The following WDFY4 variants were observed in gnomAD, a reference collection of about 807,000 sequenced individuals.
The protein encoded by WDFY4 is WDFY family member 4.
WDFY4 carries 169 observed loss-of-function variants against 351.9 expected under a neutral mutation model. The ratio of observed to expected loss-of-function variants is 0.48; its 90% CI spans 0.42 to 0.55. WDFY4 has a LOEUF of 0.55. Among genes scored for constraint, WDFY4 ranks in the 20% least tolerant of loss-of-function variants. The pLI, the probability that WDFY4 is intolerant of heterozygous loss-of-function variation, is 0.00. For synonymous variants in WDFY4, 1,622 were observed against 1,574.6 expected, an observed-to-expected ratio of 1.03 and a Z score of -0.71; for missense variants, 3,803 against 3,935.6, an observed-to-expected ratio of 0.97 and a Z score of 0.90.
chr10:48,767,748 GA>G (rs1365097039), intron 13 of WDFY4, among the ~76,000 whole-genome samples: 1 of 152,220 alleles, frequency 6.6e-6, no homozygotes, highest in Non-Finnish European at 1.5e-5. Flanking sequence ...GGGAAGGACA[GA>G]AGAGTGTTAA....
chr10:48,801,806 C>A (rs1170356009), intron 24 of WDFY4, among the ~76,000 whole-genome samples: 2 of 152,170 alleles, frequency 1.3e-5, no homozygotes, highest in African/African-American at 4.8e-5. Flanking sequence ...CACAGGCCTC[C>A]CGATAAACTT....
Position 48,939,745 on chromosome 10 carries a change from C to A in WDFY4, c.7587-2061C>A, listed in dbSNP as rs566525636. Among the ~76,000 whole-genome samples, 7 of 152,274 alleles carry A rather than the reference C, an allele frequency of 4.6e-5. No homozygotes were observed. In the South Asian group the frequency reaches 1.5e-3, roughly 32 times the overall value. ...CAATATTTTTAAAAAATAGATCTCA[C>A]CTTTGGTTAGGTGTCCTGGAACTGC... On this transcript the variant is annotated intron_variant, in intron 47 of 61. Transcript: ENST00000325239.
intron 47 of WDFY4, among the ~76,000 whole-genome samples, chr10:48,915,845 C>T (rs1017646687): frequency 1.3e-5 from 2 of 152,186 alleles, no homozygotes; most frequent in African/African-American, 2.4e-5. Context: ...GCCTTGTAAG[C>T]TGACCCTAGT....
At position 48,970,205 on chromosome 10, in the gene WDFY4, T is replaced by C. The variant is rs41283305; in HGVS notation, c.8844T>C (p.Ile2948=). 15,127 of 1,551,736 alleles carry C rather than the reference T, an allele frequency of 9.7e-3. 95 individuals carry two copies. The highest frequency in any genetic ancestry group is 0.012 in the Non-Finnish European group (13,922 of 1,147,000). The part of the protein sequence containing the change: ...LCAVCPSPTT[I]VTSGTSTVVC... ...CCGTGTGCCCATCCCCAACAACGAT[T>C]GTCACCTCTGGGACCAGCACTGTGG... is the stretch of plus-strand genomic sequence containing the variant. Residue 2948 remains isoleucine (I), a synonymous_variant, in exon 57 of 62, where the codon ATT becomes ATC. Coordinates refer to ENST00000325239, the MANE Select transcript of WDFY4 (RefSeq NM_001394531.1).
At chr10:48,965,812 T>TATAGATTATATCTGTATCAGTTAGAC (rs1842052294) in intron 54 of WDFY4, among the ~76,000 whole-genome samples, 1 of 152,258 alleles carries the variant, frequency 6.6e-6, no homozygotes. Context: ...ATCAGTTAGA[T>TATAGATTATATCTGTATCAGTTAGAC]ATAGATTATA....
chr10:48,731,577 A>C lies in WDFY4; in HGVS notation c.1582+15A>C, dbSNP rs923281964. 9.1e-6 allele frequency: 14 copies of C among 1,545,120 alleles called. No individual in the cohort carries two copies. Among genetic ancestry groups the C allele is most frequent in the Non-Finnish European group, 1.2e-5 (14 of 1,144,742 alleles). The stretch of plus-strand genomic sequence containing the variant: ...GAGGAAGTCAGGTGCCACTGGGTGC[A>C]TTGGGAGGGATGGGCAGGGGTCAGT... On this transcript the variant is annotated intron_variant, in intron 9 of 61. Transcript: ENST00000325239.
chr10:48,943,874 C>CATGA (rs1485650253), intron 49 of WDFY4, among the ~76,000 whole-genome samples: 7 of 152,244 alleles, frequency 4.6e-5, no homozygotes, highest in African/African-American at 1.7e-4. Flanking sequence ...GGATTACAGG[C>CATGA]ATGAGCCACT....
chr10:48,800,150 C>T (rs747714221), intron 24 of WDFY4, among the ~76,000 whole-genome samples: 1 of 152,206 alleles, frequency 6.6e-6, no homozygotes, highest in Admixed American at 6.5e-5. Context: ...TTCCAAAGCC[C>T]TGGGATTACA....
At chr10:48,688,240 G>T (rs894025583) in intron 1 of WDFY4, among the ~76,000 whole-genome samples, 4 of 152,088 alleles carry the variant, frequency 2.6e-5, no homozygotes, top group African/African-American at 7.2e-5. Flanking sequence ...AATAAATTTC[G>T]GTATCTGGAA....
chr10:48,969,359 C>T, intron 56 of WDFY4, 111 bp downstream of exon 56: 1 of 1,318,000 alleles, frequency 7.6e-7, no homozygotes, highest in Non-Finnish European at 1.0e-6. Flanking sequence ...CTCACTTTCC[C>T]TACAAGGTGT....
chr10:48,814,235 T>C (rs1211554604), intron 31 of WDFY4, among the ~76,000 whole-genome samples, 153 bp downstream of exon 31: 1 of 152,220 alleles, frequency 6.6e-6, no homozygotes, highest in Non-Finnish European at 1.5e-5. Flanking sequence ...CTAGAGTGAC[T>C]CAGGGGCACA....
chr10:48,772,908 G>T (rs1229489738), intron 13 of WDFY4, among the ~76,000 whole-genome samples: 1 of 150,760 alleles, frequency 6.6e-6, no homozygotes, highest in Non-Finnish European at 1.5e-5. Flanking sequence ...AGTATTCCAT[G>T]GTGTATATGT....
intron 39 of WDFY4, among the ~76,000 whole-genome samples, chr10:48,837,769 C>A (rs536304316): frequency 6.6e-6 from 1 of 152,254 alleles, no homozygotes; most frequent in African/African-American, 2.4e-5. Context: ...GGGGTGGGAG[C>A]CTCTCTGGGC....
At chr10:48,892,610 A>T (rs1245977359) in intron 44 of WDFY4, among the ~76,000 whole-genome samples, 1 of 152,224 alleles carries the variant, frequency 6.6e-6, no homozygotes, top group Non-Finnish European at 1.5e-5. Flanking sequence ...ATCATTCCAG[A>T]TCAATGGGGA....
Position 48,826,710 on chromosome 10 carries a change from A to G in WDFY4, c.6022A>G (p.Ser2008Gly). 1.3e-6 allele frequency: 2 copies of G among 1,551,786 alleles called. No homozygotes were observed. The highest frequency in any genetic ancestry group is 1.7e-6 in the Non-Finnish European group (2 of 1,147,010). Residue 2008 changes from serine to glycine, a missense_variant, in exon 36 of 62, where the codon AGC (serine) becomes GGC (glycine). Transcript: ENST00000325239. Reference protein sequence around the residue: ...TASSQRDTVLSTLYSSLNKVI... With the variant: ...TASSQRDTVLGTLYSSLNKVI... The stretch of plus-strand genomic sequence containing the variant: ...CTCTTCTCAAAGGGACACTGTCCTC[A>G]GCACTTTATACAGCAGTTTAAATAA...
At position 48,725,974 on chromosome 10, in the gene WDFY4, C is replaced by T. The variant is rs1203054474; in HGVS notation, c.685C>T (p.Arg229Trp). ...QSLLIATTCL[R>W]EHSCCFWKEP... Reference sequence around the variant, plus strand: ...TCTGCTGATTGCCACGACCTGCCTTCGGGAGCACAGCTGCTGCTTCTGGAA... The same window carrying T: ...TCTGCTGATTGCCACGACCTGCCTTTGGGAGCACAGCTGCTGCTTCTGGAA... The change falls in exon 6 of 62, where the codon CGG (arginine) becomes TGG (tryptophan). Residue 229 changes from arginine (R) to tryptophan (W), a missense_variant. This residue lies in a region of WDFY4 where 488 missense variants were observed against 456.8 expected (regional missense o/e 1.07). Transcript: ENST00000325239. 1.4e-5 allele frequency: 22 copies of T among 1,551,638 alleles called. No homozygotes were observed. Among genetic ancestry groups the T allele is most frequent in the African/African-American group, 5.5e-5 (4 of 73,050 alleles).
chr10:48,913,701 T>A, intron 47 of WDFY4: 1 of 1,612,634 alleles, frequency 6.2e-7, no homozygotes, highest in Non-Finnish European at 8.5e-7. Flanking sequence ...TAGGTTGTCA[T>A]GGAGCCCTAC....
intron 47 of WDFY4, among the ~76,000 whole-genome samples, chr10:48,931,355 G>A (rs1319835730): frequency 6.6e-6 from 1 of 152,216 alleles, no homozygotes; most frequent in Non-Finnish European, 1.5e-5. Context: ...AATGCAAGAG[G>A]TGGCCACTGA....
At chr10:48,898,144 T>G (rs1837181925) in intron 45 of WDFY4, among the ~76,000 whole-genome samples, 1 of 152,170 alleles carries the variant, frequency 6.6e-6, no homozygotes, top group African/African-American at 2.4e-5. Flanking sequence ...TAGCCAGGCA[T>G]GCAACAGTGA....
Sources: allele counts gnomAD v4.1 joint callset (sites outside exome capture counted in the v4.1 genomes callset), GRCh38; gene constraint gnomAD v4.1.1; regional missense constraint gnomAD v4.1.1; transcripts MANE v1.5; gene names NCBI Gene and HGNC (gene_info 2026-07-23, HGNC 2026-07-21).